TSPAN12: variants seen among roughly 807,000 people sequenced by gnomAD.
TSPAN12 encodes tetraspanin-12.
Under a neutral mutation model 39.2 loss-of-function variants are expected in TSPAN12, and 19 were observed. The ratio of observed to expected loss-of-function variants is 0.49; its 90% confidence interval spans 0.34 to 0.71. TSPAN12 has a LOEUF of 0.71. Ranked by LOEUF, TSPAN12 falls within the 30% of genes least tolerant of loss-of-function variation. The pLI is 0.01. For synonymous variants in TSPAN12, 119 were observed against 124.8 expected (o/e 0.95, Z 0.31); for missense variants, 314 against 359.9 (o/e 0.87, Z 1.03).
At chr7:120,822,740 G>A (rs891484390) in intron 4 of TSPAN12, among the ~76,000 whole-genome samples, 2 of 152,128 alleles carry the variant, frequency 1.3e-5, no homozygotes, top group Non-Finnish European at 2.9e-5. Flanking sequence ...CTCATCCTAT[G>A]CAGCAGGGTG....
At chr7:120,853,922 A>G (rs1159443535) in intron 2 of TSPAN12, among the ~76,000 whole-genome samples, 1 of 152,062 alleles carries the variant, frequency 6.6e-6, no homozygotes, top group Admixed American at 6.6e-5. Context: ...CACAGAATAT[A>G]GAAAAGTTTG....
intron 7 of TSPAN12, among the ~76,000 whole-genome samples, chr7:120,804,810 T>C (rs902558376): frequency 2.6e-5 from 4 of 152,026 alleles, no homozygotes; most frequent in Admixed American, 2.6e-4. Context: ...GTTGTTCTTA[T>C]AAAATGGGAA....
chr7:120,824,014 G>C (rs1794236052), intron 4 of TSPAN12, among the ~76,000 whole-genome samples: 1 of 152,118 alleles, frequency 6.6e-6, no homozygotes, highest in Non-Finnish European at 1.5e-5. Flanking sequence ...TAAAGGAGGT[G>C]AGTGGAGATT....
At chr7:120,793,055 T>G (rs562460625) in intron 7 of TSPAN12, among the ~76,000 whole-genome samples, 2 of 152,320 alleles carry the variant, frequency 1.3e-5, no homozygotes, top group African/African-American at 4.8e-5. Context: ...CTCTCAACCC[T>G]TCCCTTTTCC....
At chr7:120,831,043 A>G (rs1794381650) in intron 4 of TSPAN12, among the ~76,000 whole-genome samples, 1 of 152,028 alleles carries the variant, frequency 6.6e-6, no homozygotes, top group South Asian at 2.1e-4. Context: ...AAAGAGATGA[A>G]AAAAAATGCT....
At chr7:120,791,856 G>A (rs1015631759) in intron 7 of TSPAN12, among the ~76,000 whole-genome samples, 1 of 152,144 alleles carries the variant, frequency 6.6e-6, no homozygotes, top group African/African-American at 2.4e-5. Context: ...GTCCTTGGAA[G>A]TCATGAATTC....
intron 4 of TSPAN12, among the ~76,000 whole-genome samples, chr7:120,830,842 T>C (rs1057442003): frequency 2.0e-5 from 3 of 151,856 alleles, no homozygotes; most frequent in South Asian, 4.1e-4. Context: ...AAGAAACAAT[T>C]AGAAGAGTGA....
chr7:120,841,511 A>T (rs1368554248), intron 2 of TSPAN12, among the ~76,000 whole-genome samples: 1 of 152,226 alleles, frequency 6.6e-6, no homozygotes, highest in Non-Finnish European at 1.5e-5. Context: ...CCTGGTTTGG[A>T]TCCCGATTCA....
At chr7:120,847,243 A>G (rs530002473) in intron 2 of TSPAN12, among the ~76,000 whole-genome samples, 15 of 151,436 alleles carry the variant, frequency 9.9e-5, no homozygotes, top group Non-Finnish European at 2.2e-4. Context: ...CAAAAAAAAA[A>G]AAAACAAAAA....
At chr7:120,823,592 TG>T in intron 4 of TSPAN12, among the ~76,000 whole-genome samples, 1 of 152,186 alleles carries the variant, frequency 6.6e-6, no homozygotes, top group East Asian at 1.9e-4. Context: ...GTATGGTGGG[TG>T]AGGCACAGCA....
rs1794546980 is a variant in TSPAN12 at position 120,839,969 on chromosome 7, AG to A, written c.149+57del. On this transcript the variant is annotated intron_variant, in intron 3 of 7. Transcript: ENST00000222747. Reference sequence around the variant, plus strand: ...AAGAGCACTACCATATAAATAGCTGAGGGCAAAGTTACTTAAAATCAGCAAG... The same window carrying A: ...AAGAGCACTACCATATAAATAGCTGAGGCAAAGTTACTTAAAATCAGCAAG... 3.5e-6 allele frequency: 5 copies of A among 1,424,516 alleles called. No individual in the cohort carries two copies. In the Admixed American group the frequency reaches 5.0e-5, roughly 14 times the overall value. 88.2% of individuals were successfully genotyped at this position (1,424,516 alleles called of 1,614,324 possible).
chr7:120,789,036 G>A (rs1411673809), intron 7 of TSPAN12, 139 bp from the exon 8 acceptor site: 2 of 897,830 alleles, frequency 2.2e-6, no homozygotes, highest in Admixed American at 2.1e-5. Context: ...TGGTTCTCAG[G>A]GAAAGCTGAT....
intron 7 of TSPAN12, among the ~76,000 whole-genome samples, chr7:120,797,463 A>C (rs1400300608): frequency 6.6e-6 from 1 of 152,238 alleles, no homozygotes; most frequent in Non-Finnish European, 1.5e-5. Context: ...AAGAGAGATA[A>C]ACTCCCAGCT....
intron 4 of TSPAN12, among the ~76,000 whole-genome samples, 171 bp downstream of exon 4, chr7:120,838,606 C>G (rs1365479510): frequency 6.6e-6 from 1 of 152,192 alleles, no homozygotes; most frequent in Non-Finnish European, 1.5e-5. Context: ...CATACCTCAT[C>G]CGGTACAGCA....
Position 120,788,224 on chromosome 7 carries a change from G to T in TSPAN12, c.*368C>A. 1 of 271,018 alleles carries T rather than the reference G, an allele frequency of 3.7e-6. No homozygotes were observed. The highest frequency in any genetic ancestry group is 7.1e-6 in the Non-Finnish European group (1 of 141,276). The allele number at this position is 271,018 out of a possible 1,614,324, so 16.8% of individuals were successfully genotyped here. On this transcript the variant is annotated 3_prime_UTR_variant, in exon 8 of 8. Transcript: ENST00000222747. ...TTAATTAGTACTTTATATACTAGTT[G>T]GTAGAAGTAAATCAACCTTTACTAT...
At chr7:120,816,476 G>A (rs1010643569) in intron 4 of TSPAN12, among the ~76,000 whole-genome samples, 1 of 151,994 alleles carries the variant, frequency 6.6e-6, no homozygotes, top group East Asian at 1.9e-4. Flanking sequence ...AAGAGGATTG[G>A]AACAAAGAAG....
intron 7 of TSPAN12, among the ~76,000 whole-genome samples, chr7:120,791,358 T>C (rs1793519334): frequency 6.6e-6 from 1 of 151,872 alleles, no homozygotes; most frequent in African/African-American, 2.4e-5. Flanking sequence ...AGGTAAACCA[T>C]TCAAGGATAC....
At chr7:120,856,946 G>C in intron 1 of TSPAN12, 113 bp from the exon 2 acceptor site, 1 of 664,824 alleles carries the variant, frequency 1.5e-6, no homozygotes. Flanking sequence ...CCGAGGCCCA[G>C]TGCATTCGAG....
At chr7:120,846,760 T>G (rs1308054564) in intron 2 of TSPAN12, among the ~76,000 whole-genome samples, 1 of 152,208 alleles carries the variant, frequency 6.6e-6, no homozygotes, top group Non-Finnish European at 1.5e-5. Flanking sequence ...GATATAAATA[T>G]GTAACAGAAC....
Sources: allele counts gnomAD v4.1 joint callset (sites outside exome capture counted in the v4.1 genomes callset), GRCh38; gene constraint gnomAD v4.1.1; transcripts MANE v1.5; gene names NCBI Gene and HGNC (gene_info 2026-07-23, HGNC 2026-07-21).